Variants in STK32A observed in about 807,000 individuals in gnomAD.
STK32A encodes serine/threonine kinase 32A, also known as serine/threonine-protein kinase 32A.
STK32A carries 41 observed loss-of-function variants against 53.2 expected under a neutral mutation model. The ratio of observed to expected loss-of-function variants is 0.77; its 90% CI spans 0.60 to 1.00. STK32A has a LOEUF of 1.00. STK32A is among the 50% of genes least tolerant of loss of function. The pLI is 0.00. For missense variants in STK32A, 458 were observed against 485.8 expected, an observed-to-expected ratio of 0.94 and a Z score of 0.54; for synonymous variants, 166 against 162.8, an observed-to-expected ratio of 1.02 and a Z score of -0.15.
chr5:147,340,547 T>C (rs1004580001), intron 5 of STK32A, among the ~76,000 whole-genome samples: 2 of 152,174 alleles, frequency 1.3e-5, no homozygotes, highest in African/African-American at 4.8e-5. Flanking sequence ...CTAAGTTTCT[T>C]TTCATTTTCT....
At chr5:147,360,900 A>G (rs1756475248) in intron 7 of STK32A, among the ~76,000 whole-genome samples, 1 of 152,172 alleles carries the variant, frequency 6.6e-6, no homozygotes, top group Non-Finnish European at 1.5e-5. Context: ...GGTAAAATTG[A>G]CTGTAGCTCT....
chr5:147,389,852 CAG>C (rs1384996420), downstream of STK32A, among the ~76,000 whole-genome samples: 1 of 152,088 alleles, frequency 6.6e-6, no homozygotes, highest in Non-Finnish European at 1.5e-5. Flanking sequence ...GCCTGGGCAA[CAG>C]AGGGACACTC....
Position 147,243,643 on chromosome 5 carries a change from A to T in STK32A, c.52+3957A>T, listed in dbSNP as rs192688258. ...GTAGTCCCAGCTATTCAGGAGGCTG[A>T]GGCAGGAGAATCTCTTGAACCTGGG... On this transcript the variant is annotated intron_variant, in intron 2 of 12. Transcript: ENST00000397936. Among the ~76,000 whole-genome samples, 1,273 of 151,476 alleles carry T rather than the reference A, an allele frequency of 8.4e-3. 5 individuals carry two copies. Among genetic ancestry groups the T allele is most frequent in the Non-Finnish European group, 0.013 (915 of 67,884 alleles).
chr5:147,329,647 G>A (rs372955544), intron 5 of STK32A, among the ~76,000 whole-genome samples: 52 of 151,630 alleles, frequency 3.4e-4, no homozygotes, highest in Non-Finnish European at 5.5e-4. Context: ...GTGCACGCAC[G>A]CACACACACA....
intron 7 of STK32A, among the ~76,000 whole-genome samples, chr5:147,352,112 C>T (rs754078873): frequency 6.6e-6 from 1 of 152,042 alleles, no homozygotes; most frequent in Non-Finnish European, 1.5e-5. Flanking sequence ...CTTTGGAAGC[C>T]AAGGCAGGAG....
intron 7 of STK32A, among the ~76,000 whole-genome samples, chr5:147,357,192 C>G (rs941485800): frequency 2.6e-5 from 4 of 152,028 alleles, no homozygotes. Flanking sequence ...CTGGTCAAAG[C>G]CTTTACATGT....
intron 8 of STK32A, among the ~76,000 whole-genome samples, chr5:147,367,605 T>A (rs1423821505): frequency 6.6e-6 from 1 of 152,000 alleles, no homozygotes; most frequent in Non-Finnish European, 1.5e-5. Context: ...GATCACAAGG[T>A]GCTCAGCGGG....
intron 4 of STK32A, among the ~76,000 whole-genome samples, chr5:147,315,437 C>A (rs144020621): frequency 4.4e-4 from 67 of 152,212 alleles, no homozygotes; most frequent in Admixed American, 3.2e-3. Context: ...CATGGATGAA[C>A]CTTGAAATCT....
intron 4 of STK32A, among the ~76,000 whole-genome samples, chr5:147,316,772 C>A (rs1395396292): frequency 1.4e-5 from 2 of 147,470 alleles, no homozygotes; most frequent in Non-Finnish European, 3.0e-5. Flanking sequence ...GGAGGATTGC[C>A]TGAGCCCAGG....
intron 4 of STK32A, among the ~76,000 whole-genome samples, chr5:147,283,112 A>C (rs1244163175): frequency 6.6e-6 from 1 of 152,198 alleles, no homozygotes; most frequent in East Asian, 1.9e-4. Flanking sequence ...ACCACAGTGG[A>C]ATAAAACTGG....
At chr5:147,295,547 T>G (rs950588001) in intron 4 of STK32A, among the ~76,000 whole-genome samples, 2 of 152,264 alleles carry the variant, frequency 1.3e-5, no homozygotes, top group Non-Finnish European at 2.9e-5. Flanking sequence ...CCAAGTTATG[T>G]GAACTAAAAG....
chr5:147,371,931 A>C (rs2152003875), intron 9 of STK32A, among the ~76,000 whole-genome samples: 1 of 152,326 alleles, frequency 6.6e-6, no homozygotes, highest in South Asian at 2.1e-4. Context: ...TCTTGGTGTA[A>C]GTTCACATAA....
chr5:147,244,922 C>G (rs528578240), intron 2 of STK32A, among the ~76,000 whole-genome samples: 6 of 152,234 alleles, frequency 3.9e-5, no homozygotes, highest in African/African-American at 1.4e-4. Context: ...TCAGAGTTTC[C>G]TAGTGTGAAC....
chr5:147,372,269 C>CTTTTTTTTTTTTTTTTTTT (rs71274369), intron 9 of STK32A, among the ~76,000 whole-genome samples: 1 of 49,332 alleles, frequency 2.0e-5, no homozygotes, highest in African/African-American at 8.1e-5. Flanking sequence ...TGGGCTTGGC[C>CTTTTTTTTTTTTTTTTTTT]TTTTTTTTTT....
intron 7 of STK32A, among the ~76,000 whole-genome samples, chr5:147,353,687 G>T (rs1756090815): frequency 1.3e-5 from 2 of 152,128 alleles, no homozygotes; most frequent in South Asian, 4.2e-4. Flanking sequence ...TTGAACCTGG[G>T]AGGCGGAGGT....
Position 147,337,767 on chromosome 5 carries a change from TGGGCA to T in STK32A, c.435-5236_435-5232del, listed in dbSNP as rs1755208608. On this transcript the variant is annotated intron_variant, in intron 5 of 12. Coordinates refer to ENST00000397936, the MANE Select transcript of STK32A (RefSeq NM_001112724.2). ...TACAAAGAATGTTAAAAGCGAACTA[TGGGCA>T]GGAATTGAGGATATGAGTTTTGATG... is the stretch of plus-strand genomic sequence containing the variant. 3.3e-5 allele frequency among the ~76,000 whole-genome samples: 5 copies of T among 152,212 alleles called. No homozygotes were observed. The South Asian group carries it at 1.0e-3, about 32-fold the overall frequency.
Position 147,373,281 on chromosome 5 carries a change from G to C in STK32A, c.890G>C (p.Gly297Ala). The change falls in exon 10 of 13, where the codon GGT becomes GCT. Residue 297 changes from glycine (G) to alanine (A), a missense_variant. Transcript: ENST00000397936. ...GTTTTTCAGAAGAGGCTCATTCCAG[G>C]TTTCATTCCTAATGTGAGTCAATCC... ...DAVFQKRLIP[G>A]FIPNKGRLNC... 6.2e-7 allele frequency: 1 copy of C among 1,613,174 alleles called. No individual in the cohort carries two copies. The highest frequency in any genetic ancestry group is 2.2e-5 in the East Asian group (1 of 44,850).
chr5:147,324,215 T>C (rs1458139286), intron 5 of STK32A, 144 bp downstream of exon 5: 2 of 861,850 alleles, frequency 2.3e-6, no homozygotes, highest in Non-Finnish European at 3.4e-6. Flanking sequence ...TTGATTGTCT[T>C]CATTTTGCAG....
At chr5:147,390,582 A>C (rs1310423229), downstream of STK32A, among the ~76,000 whole-genome samples, 1 of 152,066 alleles carries the variant, frequency 6.6e-6, no homozygotes. Context: ...TGATCCACAG[A>C]AGAAAAAAAC....
Sources: allele counts gnomAD v4.1 joint callset (sites outside exome capture counted in the v4.1 genomes callset), GRCh38; gene constraint gnomAD v4.1.1; transcripts MANE v1.5; gene names NCBI Gene and HGNC (gene_info 2026-07-23, HGNC 2026-07-21).